Variants in CCDC192 observed in about 807,000 individuals in gnomAD.
CCDC192 encodes the protein coiled-coil domain-containing protein 192.
chr5:127,725,394 T>G (rs903986480), intron 2 of CCDC192, among the ~76,000 whole-genome samples: 9 of 152,216 alleles, frequency 5.9e-5, no homozygotes, highest in African/African-American at 2.2e-4. Context: ...ATATTTCATG[T>G]TATACATGTA....
intron 3 of CCDC192, among the ~76,000 whole-genome samples, chr5:127,769,051 CAGTGGTTTTTG>C (rs1755397933): frequency 6.6e-6 from 1 of 152,174 alleles, no homozygotes; most frequent in Non-Finnish European, 1.5e-5. Context: ...ATTTGTTTTT[CAGTGGTTTTTG>C]AGTGACAGTG....
Position 127,757,767 on chromosome 5 carries a change from T to TACACACACAC in CCDC192, c.222+3415_222+3424dup, listed in dbSNP as rs60177261. 1.9e-3 allele frequency among the ~76,000 whole-genome samples: 242 copies of TACACACACAC among 129,702 alleles called. 1 individual carries two copies. The highest frequency in any genetic ancestry group is 6.7e-3 in the African/African-American group (230 of 34,146). The allele number at this position is 129,702 out of a possible 152,430, so 85.1% of individuals were successfully genotyped here. ...TGTCTTTAGTGTTAAAGACAAGGAT[T>TACACACACAC]ACACACACACACACACACACACACA... On this transcript the variant is annotated intron_variant, in intron 3 of 6. Coordinates refer to ENST00000514853, the MANE Select transcript of CCDC192 (RefSeq NM_001317938.2).
chr5:127,706,435 T>C (rs1750964398), intron 1 of CCDC192, among the ~76,000 whole-genome samples: 1 of 144,368 alleles, frequency 6.9e-6, no homozygotes, highest in Admixed American at 7.5e-5. Context: ...ACTGAGGCAG[T>C]AGAATCACTT....
intron 5 of CCDC192, among the ~76,000 whole-genome samples, chr5:127,813,096 A>G (rs572698494): frequency 6.6e-6 from 1 of 152,324 alleles, no homozygotes; most frequent in Admixed American, 6.5e-5. Context: ...GTGTCCCTTT[A>G]GAGTGGGAGC....
intron 5 of CCDC192, among the ~76,000 whole-genome samples, chr5:127,869,693 GA>G (rs1318208677): frequency 6.6e-6 from 1 of 152,138 alleles, no homozygotes; most frequent in Non-Finnish European, 1.5e-5. Flanking sequence ...CCTACAGAGG[GA>G]AAAAACTGAG....
intron 5 of CCDC192, among the ~76,000 whole-genome samples, chr5:127,863,265 T>C (rs1258090507): frequency 6.6e-6 from 1 of 152,242 alleles, no homozygotes; most frequent in Non-Finnish European, 1.5e-5. Flanking sequence ...CCCAAGTGTT[T>C]ATCCATGGAT....
At chr5:127,884,900 A>G (rs959714341) in intron 6 of CCDC192, among the ~76,000 whole-genome samples, 7 of 152,020 alleles carry the variant, frequency 4.6e-5, no homozygotes, top group African/African-American at 1.7e-4. Flanking sequence ...CTGGAAATCT[A>G]TTTATTTTGT....
chr5:127,836,073 T>C (rs954505860), intron 5 of CCDC192, among the ~76,000 whole-genome samples: 2 of 152,132 alleles, frequency 1.3e-5, no homozygotes, highest in African/African-American at 2.4e-5. Flanking sequence ...AAAAGCAAGT[T>C]AGTTACTTCC....
chr5:127,828,158 C>T (rs1749624054), intron 5 of CCDC192, among the ~76,000 whole-genome samples: 1 of 152,142 alleles, frequency 6.6e-6, no homozygotes, highest in South Asian at 2.1e-4. Flanking sequence ...CTGCCCACCT[C>T]GGCTTCCCAA....
chr5:127,744,957 G>A (rs149937235), intron 2 of CCDC192, among the ~76,000 whole-genome samples: 1 of 152,268 alleles, frequency 6.6e-6, no homozygotes, highest in African/African-American at 2.4e-5. Flanking sequence ...CTTCTCTGTG[G>A]CTCTGATCCC....
chr5:127,818,970 C>T (rs889676039), intron 5 of CCDC192, among the ~76,000 whole-genome samples: 2 of 152,158 alleles, frequency 1.3e-5, no homozygotes, highest in Non-Finnish European at 2.9e-5. Context: ...GCAACAACTC[C>T]TTAATACCCC....
At chr5:127,851,260 A>G (rs1326619320) in intron 5 of CCDC192, among the ~76,000 whole-genome samples, 1 of 152,230 alleles carries the variant, frequency 6.6e-6, no homozygotes, top group Non-Finnish European at 1.5e-5. Context: ...CTAAAATGTT[A>G]TCAGACAGGC....
chr5:127,768,108 C>T (rs1436741045), intron 3 of CCDC192, among the ~76,000 whole-genome samples: 1 of 151,852 alleles, frequency 6.6e-6, no homozygotes, highest in Non-Finnish European at 1.5e-5. Flanking sequence ...AAAAATTATC[C>T]AGGCGTGGTG....
At chr5:127,873,224 G>A (rs1751933355) in intron 5 of CCDC192, among the ~76,000 whole-genome samples, 1 of 152,030 alleles carries the variant, frequency 6.6e-6, no homozygotes, top group African/African-American at 2.4e-5. Context: ...TTTGAGAAAA[G>A]TTTCTGGAAA....
chr5:127,705,998 C>T (rs544439068), intron 1 of CCDC192, among the ~76,000 whole-genome samples: 3 of 152,244 alleles, frequency 2.0e-5, no homozygotes, highest in East Asian at 3.9e-4. Context: ...ATTTGGGTGT[C>T]GTGCGAGAAA....
chr5:127,920,319 T>G, intron 6 of CCDC192, among the ~76,000 whole-genome samples: 1 of 152,056 alleles, frequency 6.6e-6, no homozygotes, highest in Non-Finnish European at 1.5e-5. Context: ...AATTAACATT[T>G]CATTGATTTA....
chr5:127,865,093 C>T (rs1013983874), intron 5 of CCDC192, among the ~76,000 whole-genome samples: 1 of 151,820 alleles, frequency 6.6e-6, no homozygotes, highest in Non-Finnish European at 1.5e-5. Flanking sequence ...GTTGCAGTGA[C>T]CGGAGATCAC....
chr5:127,710,602 C>T lies in CCDC192; in HGVS notation c.114+2842C>T, dbSNP rs564703004. 1.3e-4 allele frequency among the ~76,000 whole-genome samples: 20 copies of T among 151,920 alleles called. No homozygotes were observed. The South Asian group carries it at 2.5e-3, about 19-fold the overall frequency. On this transcript the variant is annotated intron_variant, in intron 2 of 6. Transcript: ENST00000514853. Reference sequence around the variant, plus strand: ...TTCAGACATCAAAATGGCTCTCGATCGATATCATTTGAAATAAAACAAACA... The same window carrying T: ...TTCAGACATCAAAATGGCTCTCGATTGATATCATTTGAAATAAAACAAACA...
chr5:127,838,852 G>A (rs1750151055), intron 5 of CCDC192, among the ~76,000 whole-genome samples: 1 of 152,230 alleles, frequency 6.6e-6, no homozygotes. Context: ...CTTCAGTGGT[G>A]TGACCAGAAC....
Sources: allele counts gnomAD v4.1 joint callset (sites outside exome capture counted in the v4.1 genomes callset), GRCh38; gene constraint gnomAD v4.1.1; transcripts MANE v1.5; gene names NCBI Gene and HGNC (gene_info 2026-07-23, HGNC 2026-07-21).